The following CCDC180 variants were observed in gnomAD, a reference collection of about 807,000 sequenced individuals.
CCDC180 encodes coiled-coil domain containing 180.
Under a neutral mutation model 209.2 loss-of-function variants are expected in CCDC180, and 154 were observed. That is an observed-to-expected ratio of 0.74 (90% CI 0.65 to 0.84). The LOEUF is 0.84. Among genes scored for constraint, CCDC180 ranks in the 40% least tolerant of loss-of-function variants. The pLI is 0.00. For synonymous variants in CCDC180, 778 were observed against 749.1 expected (o/e 1.04, Z -0.63); for missense variants, 1,874 against 1,997.3 (o/e 0.94, Z 1.18).
chr9:97,311,803 A>G (rs746482751), intron 3 of CCDC180, among the ~76,000 whole-genome samples: 7 of 152,134 alleles, frequency 4.6e-5, no homozygotes, highest in Non-Finnish European at 8.8e-5. Context: ...TCTGATCCTC[A>G]GTTTCCCCAG....
rs1833536617 is a variant in CCDC180, at chr9:97,326,460, C to T, written c.1546-94C>T. The T allele has an allele frequency of 5.3e-6, 4 of 757,766 alleles. No individual in the cohort carries two copies. The South Asian group carries it at 6.1e-5, about 12-fold the overall frequency. The allele number at this position is 757,766 out of a possible 1,614,324, so 46.9% of individuals were successfully genotyped here. ...CCTGGGTCTGCTGAGGCACCTGGGC[C>T]TCAGTTCCAGCAGCAGGGTCCCTGC... On this transcript the variant is annotated intron_variant, in intron 14 of 36. Transcript: ENST00000529487.
rs373074328 is a variant in CCDC180, at chr9:97,314,538, G to A, written c.588+17G>A. 1.2e-6 allele frequency: 2 copies of A among 1,613,846 alleles called. No individual in the cohort carries two copies. Among genetic ancestry groups the A allele is most frequent in the Non-Finnish European group, 1.7e-6 (2 of 1,179,906 alleles). On this transcript the variant is annotated intron_variant, in intron 6 of 36. Transcript: ENST00000529487. ...ACCATCCAAGTAGGGGTCCCTTCGT[G>A]GCTGGGCCTGCCCCACCCAGGTCCT...
In CCDC180 at chr9:97,343,407, G is replaced by A; in HGVS notation, c.2342G>A (p.Ser781Asn). Residue 781 changes from serine to asparagine, a missense_variant, in exon 19 of 37, where the codon AGT becomes AAT. Transcript: ENST00000529487. ...GACATGGAGTCCTTCACAATCTCCA[G>A]TGGAAACACTTATTTTGTCTTTGTA... Reference protein sequence around the residue: ...YEDMESFTISSGNTYFVFVPL... With the variant: ...YEDMESFTISNGNTYFVFVPL... 6.2e-7 allele frequency: 1 copy of A among 1,614,042 alleles called. No homozygotes were observed. Among genetic ancestry groups the A allele is most frequent in the South Asian group, 1.1e-5 (1 of 91,072 alleles).
intron 13 of CCDC180, 100 bp from the exon 14 acceptor site, chr9:97,324,919 C>T (rs745836702): frequency 1.3e-5 from 14 of 1,117,194 alleles, no homozygotes; most frequent in Non-Finnish European, 1.7e-5. Flanking sequence ...CTGGGCAATA[C>T]TGTTCAGTCG....
intron 5 of CCDC180, 91 bp from the exon 6 acceptor site, chr9:97,314,302 A>C: frequency 6.7e-7 from 1 of 1,489,522 alleles, no homozygotes; most frequent in South Asian, 1.2e-5. Flanking sequence ...TTGAGATAGA[A>C]CCATGCCTGG....
intron 32 of CCDC180, 123 bp from the exon 33 acceptor site, chr9:97,370,518 T>G: frequency 4.6e-6 from 5 of 1,089,296 alleles, no homozygotes; most frequent in East Asian, 2.5e-5. Context: ...TGCCCACCCA[T>G]CACCCCCACA....
rs1322092587 is a variant in CCDC180, at chr9:97,370,012, A to G, written c.4280A>G (p.Lys1427Arg). The G allele has an allele frequency of 6.2e-7, 1 of 1,614,114 alleles. No individual in the cohort carries two copies. Among genetic ancestry groups the G allele is most frequent in the Admixed American group, 1.7e-5 (1 of 60,020 alleles). The change falls in exon 32 of 37, where the codon AAG becomes AGG. Residue 1427 changes from lysine (K) to arginine (R), a missense_variant. Coordinates refer to ENST00000529487, the MANE Select transcript of CCDC180 (RefSeq NM_020893.6). ...AATTTCAAGGAACACCACTGGAAAA[A>G]GTTTTTCACCTCTGTGAAGGAGATC... The part of the protein sequence containing the change: ...MENFKEHHWK[K>R]FFTSVKEIRG...
chr9:97,358,392 G>A (rs1725811370), intron 25 of CCDC180, among the ~76,000 whole-genome samples: 1 of 152,182 alleles, frequency 6.6e-6, no homozygotes, highest in Admixed American at 6.5e-5. Flanking sequence ...AAAGTGCTGG[G>A]ATTACAGGTG....
At chr9:97,358,605 A>C (rs1479444793) in intron 25 of CCDC180, among the ~76,000 whole-genome samples, 1 of 152,136 alleles carries the variant, frequency 6.6e-6, no homozygotes, top group Admixed American at 6.5e-5. Context: ...TCTGTCCCCC[A>C]GTGAATGACA....
rs1227642989 is a variant in CCDC180 at position 97,330,643 on chromosome 9, G to A, written c.2150G>A (p.Gly717Glu). The A allele has an allele frequency of 6.2e-7, 1 of 1,612,980 alleles. No homozygotes were observed. The highest frequency in any genetic ancestry group is 1.1e-5 in the South Asian group (1 of 90,954). The stretch of plus-strand genomic sequence containing the variant: ...AATGAGGAGAATGTGAAGGGTCAAG[G>A]AGAAAAGAAGGAGGAGTCAGAGGAG... The part of the protein sequence containing the change: ...SLNEENVKGQ[G>E]EKKEESEEED... The change falls in exon 18 of 37, where the codon GGA becomes GAA. Residue 717 changes from glycine (G) to glutamate (E), a missense_variant. Gly to Glu is a moderately conservative substitution (Grantham distance 98). Transcript: ENST00000529487.
chr9:97,339,925 T>C (rs1372618913), intron 18 of CCDC180, among the ~76,000 whole-genome samples: 1 of 152,198 alleles, frequency 6.6e-6, no homozygotes, highest in African/African-American at 2.4e-5. Context: ...CAATCACTGA[T>C]ACCCTTTCTT....
In CCDC180 at chr9:97,369,938, C is replaced by G. The variant is rs141508161; in HGVS notation, c.4206C>G (p.Ile1402Met). Residue 1402 changes from isoleucine to methionine, a missense_variant, in exon 32 of 37, where the codon ATC becomes ATG. Coordinates refer to ENST00000529487, the MANE Select transcript of CCDC180 (RefSeq NM_020893.6). The part of the protein sequence containing the change: ...NSCLIELRIQ[I>M]RRFEELLPQV... ...TTCTGGCAGAATTACGGATCCAGAT[C>G]AGGAGATTTGAGGAGCTGCTGCCCC... is the stretch of plus-strand genomic sequence containing the variant. 10 of 1,614,002 alleles carry G rather than the reference C, an allele frequency of 6.2e-6. No homozygotes were observed. In the African/African-American group the frequency reaches 1.1e-4, roughly 17 times the overall value.
rs747040406 is a variant in CCDC180 at position 97,312,184 on chromosome 9, G to A, written c.332G>A (p.Gly111Asp). 2 of 1,614,008 alleles carry A rather than the reference G, an allele frequency of 1.2e-6. No individual in the cohort carries two copies. Among genetic ancestry groups the A allele is most frequent in the Non-Finnish European group, 1.7e-6 (2 of 1,179,904 alleles). Residue 111 changes from glycine (G) to aspartate (D), a missense_variant, in exon 4 of 37, where the codon GGT becomes GAT. Transcript: ENST00000529487. ...ENTIAAREVR[G>D]LMDTIVPEKI... ...ACCATCGCTGCCCGAGAAGTGCGGG[G>A]TCTCATGGATACTATAGGTGAGCCT...
At chr9:97,327,911 C>T in intron 15 of CCDC180, 109 bp from the exon 16 acceptor site, 1 of 1,186,418 alleles carries the variant, frequency 8.4e-7, no homozygotes, top group Non-Finnish European at 1.2e-6. Context: ...AAAAGAGCAG[C>T]CACACAGCAG....
In CCDC180 at chr9:97,343,483, G is replaced by A; in HGVS notation, c.2418G>A (p.Met806Ile). The A allele has an allele frequency of 6.2e-7, 1 of 1,614,138 alleles. No homozygotes were observed. Among genetic ancestry groups the A allele is most frequent in the Non-Finnish European group, 8.5e-7 (1 of 1,180,016 alleles). The change falls in exon 19 of 37, where the codon ATG becomes ATA. Residue 806 changes from methionine (M) to isoleucine (I), a missense_variant. By Grantham distance (10) the Met-to-Ile change is conservative. Transcript: ENST00000529487. ...CRKSHSTFSA[M>I]FINDTSSAKF... is the part of the protein sequence containing the mutation. ...AGTCCCATTCCACCTTCTCAGCCAT[G>A]TTCATCAACGACACTTCCAGTGCCA...
chr9:97,349,034 C>T (rs557834271), intron 20 of CCDC180, 77 bp from the exon 21 acceptor site: 45 of 1,343,898 alleles, frequency 3.3e-5, no homozygotes, highest in South Asian at 2.1e-4. Context: ...AGGCAGCAGG[C>T]GGGCCTTGTT....
chr9:97,330,295 T>C (rs193248373), intron 17 of CCDC180, 27 bp from the exon 18 acceptor site: 355 of 1,612,684 alleles, frequency 2.2e-4, no homozygotes, highest in Non-Finnish European at 2.8e-4. Flanking sequence ...TTGTCTCTCC[T>C]TGTGCTTTGG....
intron 8 of CCDC180, among the ~76,000 whole-genome samples, chr9:97,316,147 C>T (rs181513883): frequency 6.6e-6 from 1 of 152,116 alleles, no homozygotes; most frequent in East Asian, 1.9e-4. Flanking sequence ...TTTCAGTGTC[C>T]CGGATGTGTT....
At chr9:97,323,753 A>G (rs758253128) in intron 12 of CCDC180, 28 bp from the exon 13 acceptor site, 80 of 1,547,334 alleles carry the variant, frequency 5.2e-5, no homozygotes, top group Middle Eastern at 1.7e-4. Context: ...GTCCTAAGCC[A>G]GGCTCTGCCT....
Sources: allele counts gnomAD v4.1 joint callset (sites outside exome capture counted in the v4.1 genomes callset), GRCh38; gene constraint gnomAD v4.1.1; transcripts MANE v1.5; gene names NCBI Gene and HGNC (gene_info 2026-07-23, HGNC 2026-07-21).